The following FHIT variants were observed in gnomAD, a reference collection of about 807,000 sequenced individuals.
FHIT encodes bis(5'-adenosyl)-triphosphatase.
FHIT carries 19 observed loss-of-function variants against 17.9 expected under a neutral mutation model. The observed-to-expected ratio is 1.06, with a 90% CI of 0.74 to 1.56. The LOEUF (loss-of-function observed/expected upper bound fraction) is 1.56. Among genes scored for constraint, FHIT ranks in the 40% most tolerant of loss-of-function variants. The pLI is 0.00. For synonymous variants in FHIT, 81 were observed against 69.7 expected (o/e 1.16, Z -0.81); for missense variants, 248 against 189.2 (o/e 1.31, Z -1.82).
intron 3 of FHIT, among the ~76,000 whole-genome samples, chr3:60,879,795 A>T (rs936468258): frequency 6.6e-6 from 1 of 151,776 alleles, no homozygotes. Context: ...TATAGAAAAC[A>T]ATCTCTGAAC....
chr3:59,932,966 G>A (rs528505082), intron 7 of FHIT, among the ~76,000 whole-genome samples: 14 of 152,014 alleles, frequency 9.2e-5, no homozygotes, highest in Admixed American at 2.6e-4. Flanking sequence ...TTTTGCACCC[G>A]GCTCCCTCCT....
intron 6 of FHIT, among the ~76,000 whole-genome samples, chr3:60,013,090 C>CA (rs992744127): frequency 1.3e-5 from 2 of 151,784 alleles, no homozygotes; most frequent in African/African-American, 2.4e-5. Context: ...GACATGGCAG[C>CA]AAAAAAAGAA....
At chr3:60,900,107 C>A (rs1706036026) in intron 3 of FHIT, among the ~76,000 whole-genome samples, 1 of 152,128 alleles carries the variant, frequency 6.6e-6, no homozygotes, top group Non-Finnish European at 1.5e-5. Flanking sequence ...GGTACAAATA[C>A]TTTGTGAGGT....
intron 5 of FHIT, among the ~76,000 whole-genome samples, chr3:60,494,444 C>G (rs1269063613): frequency 6.6e-6 from 1 of 152,110 alleles, no homozygotes; most frequent in South Asian, 2.1e-4. Context: ...TCCATCCCCT[C>G]AAGCATTTAT....
intron 4 of FHIT, among the ~76,000 whole-genome samples, chr3:60,623,515 G>C (rs782163683): frequency 2.0e-4 from 31 of 152,056 alleles, no homozygotes; most frequent in Non-Finnish European, 4.1e-4. Context: ...TCTGTGCTGG[G>C]CTGTGTTCTG....
chr3:60,254,016 GCAATACCCTA>G (rs1298144005), intron 5 of FHIT, among the ~76,000 whole-genome samples: 2 of 152,136 alleles, frequency 1.3e-5, no homozygotes, highest in African/African-American at 4.8e-5. Context: ...ATGAATACCT[GCAATACCCTA>G]CTTCAACTGT....
intron 8 of FHIT, among the ~76,000 whole-genome samples, chr3:59,821,467 T>A (rs943806718): frequency 6.6e-6 from 1 of 152,198 alleles, no homozygotes; most frequent in African/African-American, 2.4e-5. Flanking sequence ...TGCCTCTTCA[T>A]GTGGTTTCCT....
intron 5 of FHIT, among the ~76,000 whole-genome samples, chr3:60,091,826 C>A (rs1176320020): frequency 1.3e-5 from 2 of 152,114 alleles, no homozygotes; most frequent in Non-Finnish European, 1.5e-5. Flanking sequence ...TGACTGGAAG[C>A]TTGCTGAGAC....
At chr3:60,033,135 T>C (rs575320088) in intron 5 of FHIT, among the ~76,000 whole-genome samples, 2 of 152,164 alleles carry the variant, frequency 1.3e-5, no homozygotes, top group African/African-American at 4.8e-5. Context: ...CAAGCAATGA[T>C]AAAAAGACAT....
chr3:60,126,157 T>C (rs1029662203), intron 5 of FHIT, among the ~76,000 whole-genome samples: 36 of 152,104 alleles, frequency 2.4e-4, no homozygotes, highest in African/African-American at 8.5e-4. Flanking sequence ...ATCTCCTGTT[T>C]CTCCCAAAGT....
chr3:61,202,056 ACG>A (rs2039033586), intron 1 of FHIT, among the ~76,000 whole-genome samples: 2 of 147,676 alleles, frequency 1.4e-5, no homozygotes, highest in South Asian at 2.3e-4. Flanking sequence ...ATATATATAC[ACG>A]CACATAGATA....
chr3:61,025,938 T>C (rs1409609505), intron 3 of FHIT, among the ~76,000 whole-genome samples: 2 of 152,212 alleles, frequency 1.3e-5, no homozygotes, highest in Admixed American at 6.5e-5. Flanking sequence ...AATAAAAGTA[T>C]ATGTTGATGT....
Position 60,787,018 on chromosome 3 carries a change from C to A in FHIT, c.-18+34901G>T, listed in dbSNP as rs1489847502. ...TAAGACAAAAAGAAAAAAAAAAAAA[C>A]AAAACAGAAGTTGGCCAGGAGAAAG... On this transcript the variant is annotated intron_variant, in intron 4 of 9. Transcript: ENST00000492590. 7.2e-3 allele frequency among the ~76,000 whole-genome samples: 947 copies of A among 132,210 alleles called. 16 individuals carry two copies. The highest frequency in any genetic ancestry group is 0.025 in the African/African-American group (828 of 33,198). The allele number at this position is 132,210 out of a possible 152,430, so 86.7% of individuals were successfully genotyped here.
intron 7 of FHIT, among the ~76,000 whole-genome samples, chr3:59,929,739 G>T (rs1307037657): frequency 6.6e-6 from 1 of 151,974 alleles, no homozygotes; most frequent in Non-Finnish European, 1.5e-5. Context: ...AAAACTTACA[G>T]CATAGAAAAT....
chr3:60,428,397 G>C (rs187544460), intron 5 of FHIT, among the ~76,000 whole-genome samples: 41 of 152,198 alleles, frequency 2.7e-4, no homozygotes, highest in African/African-American at 8.2e-4. Context: ...AGCTTAACAA[G>C]GCCTTCAATT....
intron 5 of FHIT, among the ~76,000 whole-genome samples, chr3:60,060,536 G>A (rs1373914637): frequency 6.6e-6 from 1 of 152,100 alleles, no homozygotes; most frequent in African/African-American, 2.4e-5. Flanking sequence ...CATATTAACT[G>A]TTCCTGGGAA....
At chr3:59,799,642 G>C (rs1699915554) in intron 8 of FHIT, among the ~76,000 whole-genome samples, 2 of 152,168 alleles carry the variant, frequency 1.3e-5, no homozygotes, top group African/African-American at 4.8e-5. Context: ...CTTTATTTTG[G>C]AGGGGGATAG....
chr3:60,566,471 A>T (rs981568137), intron 4 of FHIT, among the ~76,000 whole-genome samples: 3 of 152,130 alleles, frequency 2.0e-5, no homozygotes, highest in African/African-American at 7.2e-5. Flanking sequence ...AAATAATAAG[A>T]GCTATCTATG....
At chr3:60,362,981 C>T (rs1274930087) in intron 5 of FHIT, among the ~76,000 whole-genome samples, 1 of 152,114 alleles carries the variant, frequency 6.6e-6, no homozygotes, top group East Asian at 1.9e-4. Context: ...TTAATTTCTT[C>T]ATGTTGGGTA....
Sources: allele counts gnomAD v4.1 joint callset (sites outside exome capture counted in the v4.1 genomes callset), GRCh38; gene constraint gnomAD v4.1.1; transcripts MANE v1.5; gene names NCBI Gene and HGNC (gene_info 2026-07-23, HGNC 2026-07-21).